The following DCUN1D1 variants were observed in gnomAD, a reference collection of about 807,000 sequenced individuals.
DCUN1D1 encodes DCN1-like protein 1.
Under a neutral mutation model 39.0 loss-of-function variants are expected in DCUN1D1, and 3 were observed. The ratio of observed to expected loss-of-function variants is 0.08; its 90% CI spans 0.04 to 0.20. The LOEUF (loss-of-function observed/expected upper bound fraction) is 0.20, where lower values mean the gene tolerates loss of function less well. Ranked by LOEUF, DCUN1D1 falls within the 10% of genes least tolerant of loss-of-function variation. The pLI is 1.00. For missense variants in DCUN1D1, 158 were observed against 302.4 expected, an observed-to-expected ratio of 0.52 and a Z score of 3.54; for synonymous variants, 82 against 96.3, an observed-to-expected ratio of 0.85 and a Z score of 0.87.
At chr3:182,957,948 A>AAC (rs1218402644) in intron 4 of DCUN1D1, among the ~76,000 whole-genome samples, 2 of 150,936 alleles carry the variant, frequency 1.3e-5, no homozygotes, top group African/African-American at 2.4e-5. Context: ...AAAAAAAAAA[A>AAC]AAAAAAAAAA....
chr3:182,962,342 C>T (rs1370591331), intron 3 of DCUN1D1, among the ~76,000 whole-genome samples: 1 of 152,206 alleles, frequency 6.6e-6, no homozygotes, highest in African/African-American at 2.4e-5. Context: ...TGTGAGACTT[C>T]ATTTTTCTTG....
chr3:182,955,356 TTC>T (rs1726985338), intron 4 of DCUN1D1: 5 of 541,008 alleles, frequency 9.2e-6, no homozygotes, highest in Admixed American at 2.0e-5. Flanking sequence ...ATTTTCAATA[TTC>T]TCTGTTTTTC....
chr3:182,955,442 C>A (rs897115894), intron 4 of DCUN1D1: 7 of 541,932 alleles, frequency 1.3e-5, no homozygotes, highest in Non-Finnish European at 2.3e-5. Context: ...TTCATAGGCA[C>A]ATGGTCTACA....
intron 4 of DCUN1D1, among the ~76,000 whole-genome samples, chr3:182,951,674 A>C (rs1274044986): frequency 1.4e-5 from 2 of 142,790 alleles, no homozygotes; most frequent in Non-Finnish European, 3.1e-5. Flanking sequence ...AAGAAAGTTC[A>C]GGTTGTAAAA....
At chr3:182,970,634 G>A (rs1192869749) in intron 1 of DCUN1D1, among the ~76,000 whole-genome samples, 2 of 152,072 alleles carry the variant, frequency 1.3e-5, no homozygotes, top group Non-Finnish European at 2.9e-5. Context: ...GATGAATCTA[G>A]CTCACAAAAG....
rs576995567 is a variant in DCUN1D1, at chr3:182,941,878, G to C, written c.*3216C>G. The C allele has an allele frequency of 3.3e-5, 5 of 151,984 alleles. No individual in the cohort carries two copies. The highest frequency in any genetic ancestry group is 1.2e-4 in the African/African-American group (5 of 41,396). The allele number at this position is 151,984 out of a possible 1,614,324, so 9.4% of individuals were successfully genotyped here. ...TCATTCATATGTGAAAATTACAGAA[G>C]GTTTACAATACGTAGTCTTAATAGT... is the stretch of plus-strand genomic sequence containing the variant. On this transcript the variant is annotated 3_prime_UTR_variant, in exon 7 of 7. Coordinates refer to ENST00000292782, the MANE Select transcript of DCUN1D1 (RefSeq NM_020640.4).
rs145164943 is a variant in DCUN1D1 at position 182,939,337 on chromosome 3, C to T, written c.*5757G>A. The T allele has an allele frequency of 1.9e-4, 29 of 152,300 alleles. No homozygotes were observed. Among genetic ancestry groups the T allele is most frequent in the African/African-American group, 5.3e-4 (22 of 41,570 alleles). 9.4% of individuals were successfully genotyped at this position (152,300 alleles called of 1,614,324 possible). A position where few individuals can be genotyped will look rare whatever the true frequency, so the allele number is the denominator to read the frequency against. Reference sequence around the variant, plus strand: ...AAACGTTAGGTATAAATTTACCACACAACCTGACAATTCCACAACTAGGAA... The same window carrying T: ...AAACGTTAGGTATAAATTTACCACATAACCTGACAATTCCACAACTAGGAA... On this transcript the variant is annotated 3_prime_UTR_variant, in exon 7 of 7. Transcript: ENST00000292782.
chr3:182,968,631 C>T (rs1283426020), intron 1 of DCUN1D1, among the ~76,000 whole-genome samples: 2 of 150,794 alleles, frequency 1.3e-5, no homozygotes, highest in African/African-American at 2.4e-5. Context: ...GACGGAGTCT[C>T]GCTCTGTTGC....
chr3:182,954,104 AAG>A (rs754330047), intron 4 of DCUN1D1, among the ~76,000 whole-genome samples: 1 of 152,240 alleles, frequency 6.6e-6, no homozygotes, highest in Non-Finnish European at 1.5e-5. Context: ...ACAATGAAAA[AAG>A]AGATATAAAA....
intron 1 of DCUN1D1, among the ~76,000 whole-genome samples, chr3:182,973,942 G>C (rs771075497): frequency 6.6e-6 from 1 of 152,056 alleles, no homozygotes; most frequent in Non-Finnish European, 1.5e-5. Flanking sequence ...CCACCCCTCA[G>C]AATTACTAGT....
intron 4 of DCUN1D1, among the ~76,000 whole-genome samples, chr3:182,959,065 T>A (rs1727241536): frequency 6.6e-6 from 1 of 152,166 alleles, no homozygotes. Context: ...TCAAAGACTT[T>A]AACAGATTAT....
intron 4 of DCUN1D1, 70 bp downstream of exon 4, chr3:182,961,156 T>C (rs1013827767): frequency 9.0e-6 from 10 of 1,106,552 alleles, no homozygotes; most frequent in African/African-American, 3.2e-5. Flanking sequence ...AACTTTCTAT[T>C]ACAAAAACGA....
At chr3:182,970,266 C>A (rs982547971) in intron 1 of DCUN1D1, among the ~76,000 whole-genome samples, 8 of 148,982 alleles carry the variant, frequency 5.4e-5, no homozygotes, top group African/African-American at 1.7e-4. Context: ...CTTAACCCCC[C>A]AAAAAAAAGA....
intron 4 of DCUN1D1, among the ~76,000 whole-genome samples, chr3:182,959,942 T>A (rs1727298479): frequency 6.6e-6 from 1 of 152,180 alleles, no homozygotes; most frequent in Non-Finnish European, 1.5e-5. Flanking sequence ...CCCTCCTGTT[T>A]GGTCTCTCTC....
At chr3:182,980,133 G>C in intron 1 of DCUN1D1, 1 of 935,626 alleles carries the variant, frequency 1.1e-6, no homozygotes, top group Non-Finnish European at 1.3e-6. Context: ...GAGGGGCAGG[G>C]GCAAGGCCGT....
chr3:182,957,937 CAAAAAAAAAAAA>C (rs34998390), intron 4 of DCUN1D1, among the ~76,000 whole-genome samples: 1 of 67,502 alleles, frequency 1.5e-5, no homozygotes, highest in Non-Finnish European at 2.5e-5. Flanking sequence ...GACCCTGCAT[CAAAAAAAAAAAA>C]AAAAAAAAAA....
At chr3:182,959,906 A>C (rs1335918624) in intron 4 of DCUN1D1, among the ~76,000 whole-genome samples, 3 of 152,032 alleles carry the variant, frequency 2.0e-5, no homozygotes, top group Non-Finnish European at 4.4e-5. Context: ...TAGTTCCTGG[A>C]GTGTGTTATT....
intron 1 of DCUN1D1, among the ~76,000 whole-genome samples, chr3:182,975,352 A>AT (rs1728171807): frequency 6.6e-6 from 1 of 151,630 alleles, no homozygotes; most frequent in Non-Finnish European, 1.5e-5. Flanking sequence ...AATTTTTTGT[A>AT]TTTTTAGCAG....
intron 4 of DCUN1D1, among the ~76,000 whole-genome samples, chr3:182,957,576 C>T (rs950374075): frequency 2.6e-5 from 4 of 151,858 alleles, no homozygotes; most frequent in East Asian, 1.9e-4. Context: ...CAGTGAGCTA[C>T]GATCATGGCA....
Sources: allele counts gnomAD v4.1 joint callset (sites outside exome capture counted in the v4.1 genomes callset), GRCh38; gene constraint gnomAD v4.1.1; transcripts MANE v1.5; gene names NCBI Gene and HGNC (gene_info 2026-07-23, HGNC 2026-07-21).